TRPC7: variants seen among roughly 807,000 people sequenced by gnomAD.
TRPC7 encodes transient receptor potential cation channel subfamily C member 7, also known as short transient receptor potential channel 7.
TRPC7 carries 42 observed loss-of-function variants against 90.1 expected under a neutral mutation model. That is an observed-to-expected ratio of 0.47 (90% CI 0.36 to 0.60). The LOEUF (loss-of-function observed/expected upper bound fraction) is 0.60. Among genes scored for constraint, TRPC7 ranks in the 20% least tolerant of loss-of-function variants. The pLI, the probability that TRPC7 is intolerant of heterozygous loss-of-function variation, is 0.00. For synonymous variants in TRPC7, 451 were observed against 436.3 expected (o/e 1.03, Z -0.42); for missense variants, 955 against 1,112.3 (o/e 0.86, Z 2.01).
At chr5:136,318,540 TCC>T (rs1759098368) in intron 2 of TRPC7, among the ~76,000 whole-genome samples, 1 of 152,178 alleles carries the variant, frequency 6.6e-6, no homozygotes, top group Non-Finnish European at 1.5e-5. Context: ...CACATCAGTC[TCC>T]CAACATGACT....
chr5:136,345,200 T>G (rs772545094), intron 2 of TRPC7, among the ~76,000 whole-genome samples: 13 of 152,142 alleles, frequency 8.5e-5, no homozygotes, highest in Non-Finnish European at 1.6e-4. Flanking sequence ...TCAACTGAGT[T>G]ATAGTATTAA....
At chr5:136,327,090 G>A (rs917715507) in intron 2 of TRPC7, among the ~76,000 whole-genome samples, 2 of 152,188 alleles carry the variant, frequency 1.3e-5, no homozygotes, top group South Asian at 2.1e-4. Context: ...AGGTACAGAG[G>A]AGGTTAAGAC....
intron 3 of TRPC7, among the ~76,000 whole-genome samples, chr5:136,280,830 C>T (rs967686970): frequency 6.6e-6 from 1 of 152,094 alleles, no homozygotes; most frequent in Admixed American, 6.6e-5. Context: ...CTGTGCTTAC[C>T]TGTCATTTTA....
At chr5:136,272,837 A>G (rs35607977) in intron 4 of TRPC7, among the ~76,000 whole-genome samples, 32,646 of 152,026 alleles carry the variant, frequency 0.21, 3,722 homozygotes, top group Non-Finnish European at 0.26. Context: ...CCCAGGTGCT[A>G]TTACCTTCCT....
chr5:136,227,693 G>A (rs1207481603), intron 8 of TRPC7, among the ~76,000 whole-genome samples: 7 of 152,190 alleles, frequency 4.6e-5, no homozygotes, highest in Non-Finnish European at 1.0e-4. Context: ...AGGAAGTGTG[G>A]TATAGTGCAA....
chr5:136,245,545 A>T (rs1405860364), intron 7 of TRPC7, among the ~76,000 whole-genome samples: 1 of 152,182 alleles, frequency 6.6e-6, no homozygotes, highest in Non-Finnish European at 1.5e-5. Flanking sequence ...CAGGGATCAG[A>T]GCCATTTCTA....
intron 2 of TRPC7, among the ~76,000 whole-genome samples, chr5:136,346,557 C>G (rs1473382690): frequency 6.6e-6 from 1 of 152,170 alleles, no homozygotes; most frequent in African/African-American, 2.4e-5. Context: ...CACATGTACA[C>G]ATACACACAA....
intron 2 of TRPC7, among the ~76,000 whole-genome samples, chr5:136,347,004 C>T (rs1312610858): frequency 6.6e-6 from 1 of 152,146 alleles, no homozygotes; most frequent in Non-Finnish European, 1.5e-5. Context: ...CATAGAAACA[C>T]ACAGCAAGAA....
intron 2 of TRPC7, among the ~76,000 whole-genome samples, chr5:136,344,169 G>A (rs914246185): frequency 1.3e-5 from 2 of 152,128 alleles, no homozygotes; most frequent in Non-Finnish European, 2.9e-5. Flanking sequence ...ACTAACACAG[G>A]AACAGTAAAC....
At position 136,224,858 on chromosome 5, in the gene TRPC7, T is replaced by C. The variant is rs1755577385; in HGVS notation, c.2343+416A>G. Among the ~76,000 whole-genome samples, 2 of 152,208 alleles carry C rather than the reference T, an allele frequency of 1.3e-5. 1 individual carries two copies. The highest frequency in any genetic ancestry group is 2.9e-5 in the Non-Finnish European group (2 of 68,028). Reference sequence around the variant, plus strand: ...TTCTCTTCCTCTGCCTGGAAGGCCATATATGGCTGCCTCCTGCATCCGAGT... The same window carrying C: ...TTCTCTTCCTCTGCCTGGAAGGCCACATATGGCTGCCTCCTGCATCCGAGT... On this transcript the variant is annotated intron_variant, in intron 10 of 11. Transcript: ENST00000513104.
At chr5:136,335,617 C>G (rs976494286) in intron 2 of TRPC7, among the ~76,000 whole-genome samples, 2 of 151,860 alleles carry the variant, frequency 1.3e-5, no homozygotes, top group African/African-American at 4.8e-5. Context: ...TAAAAAGCTA[C>G]GAGAGGCCAG....
At chr5:136,220,002 G>C (rs1242160213) in intron 10 of TRPC7, among the ~76,000 whole-genome samples, 1 of 152,194 alleles carries the variant, frequency 6.6e-6, no homozygotes. Flanking sequence ...AAATTGTGAC[G>C]ATTTCATGGA....
At position 136,315,796 on chromosome 5, in the gene TRPC7, A is replaced by C; in HGVS notation, c.781-17T>G. ...GTAATCGTTCTAACAGAATAGAGAG[A>C]AATCAGCGGTATGTCACATGGAGGC... is the stretch of plus-strand genomic sequence containing the variant. On this transcript the variant is annotated splice_polypyrimidine_tract_variant and intron_variant, in intron 2 of 11. Coordinates refer to ENST00000513104, the MANE Select transcript of TRPC7 (RefSeq NM_020389.3). The C allele has an allele frequency of 6.2e-7, 1 of 1,609,294 alleles. No individual in the cohort carries two copies. The highest frequency in any genetic ancestry group is 8.5e-7 in the Non-Finnish European group (1 of 1,176,442).
intron 4 of TRPC7, among the ~76,000 whole-genome samples, chr5:136,269,815 T>C (rs1238631997): frequency 6.6e-6 from 1 of 152,130 alleles, no homozygotes; most frequent in Non-Finnish European, 1.5e-5. Flanking sequence ...GGGCTCAGGA[T>C]TTTTCCCTTT....
At chr5:136,264,827 G>A (rs1053487373) in intron 5 of TRPC7, among the ~76,000 whole-genome samples, 3 of 152,040 alleles carry the variant, frequency 2.0e-5, no homozygotes, top group Admixed American at 6.6e-5. Context: ...TCCTGACCTC[G>A]TGATCCACCC....
chr5:136,301,822 G>A (rs1257319311), intron 3 of TRPC7, among the ~76,000 whole-genome samples: 11 of 152,138 alleles, frequency 7.2e-5, no homozygotes, highest in East Asian at 1.9e-4. Flanking sequence ...CTCTTCACAC[G>A]GACACGCATG....
chr5:136,252,288 C>T (rs1194905677), intron 5 of TRPC7, among the ~76,000 whole-genome samples: 2 of 152,084 alleles, frequency 1.3e-5, no homozygotes, highest in East Asian at 1.9e-4. Context: ...ACTCCATGCC[C>T]CAAATTCTAC....
chr5:136,264,290 G>A (rs1011461080), intron 5 of TRPC7, among the ~76,000 whole-genome samples: 1 of 152,226 alleles, frequency 6.6e-6, no homozygotes, highest in Non-Finnish European at 1.5e-5. Flanking sequence ...GGAAAGTATG[G>A]TTGCATTTAC....
At chr5:136,332,650 C>G (rs1247260511) in intron 2 of TRPC7, among the ~76,000 whole-genome samples, 10 of 151,760 alleles carry the variant, frequency 6.6e-5, no homozygotes, top group Non-Finnish European at 1.5e-4. Flanking sequence ...TTGATGAATG[C>G]TAAGTAAGGA....
Sources: allele counts gnomAD v4.1 joint callset (sites outside exome capture counted in the v4.1 genomes callset), GRCh38; gene constraint gnomAD v4.1.1; transcripts MANE v1.5; gene names NCBI Gene and HGNC (gene_info 2026-07-23, HGNC 2026-07-21).